Variants in WDTC1 observed in about 807,000 individuals in gnomAD.
WDTC1 encodes WD and tetratricopeptide repeats 1, also known as WD and tetratricopeptide repeats protein 1.
A neutral mutation model predicts 76.0 loss-of-function variants in WDTC1; 12 were observed. That is an observed-to-expected ratio of 0.16 (90% CI 0.10 to 0.26). The LOEUF is 0.26. WDTC1 is among the 10% of genes least tolerant of loss of function. WDTC1 has a pLI of 1.00. For missense variants in WDTC1, 511 were observed against 908.8 expected (o/e 0.56, Z 5.63); for synonymous variants, 326 against 350.8 (o/e 0.93, Z 0.79).
rs988069304 is a variant in WDTC1, at chr1:27,245,639, G to A, written c.-100+10688G>A. ...GGGTGGAGTGCAATGGCGCAATCTC[G>A]GCTCACTGCAACCTCCGCCTCCCGG... On this transcript the variant is annotated intron_variant, in intron 1 of 15. Transcript: ENST00000319394. Among the ~76,000 whole-genome samples, 35 of 150,618 alleles carry A rather than the reference G, an allele frequency of 2.3e-4. 2 individuals are homozygous for A. The highest frequency in any genetic ancestry group is 6.9e-4 in the African/African-American group (28 of 40,502).
intron 9 of WDTC1, 136 bp from the exon 10 acceptor site, chr1:27,296,190 A>T: frequency 1.9e-6 from 2 of 1,050,562 alleles, no homozygotes; most frequent in Non-Finnish European, 2.9e-6. Flanking sequence ...ACCTCTTAGG[A>T]TAGCTTGATT....
Position 27,296,326 on chromosome 1 carries a change from G to A in WDTC1, c.874G>A (p.Val292Ile). 6.2e-7 allele frequency: 1 copy of A among 1,613,930 alleles called. No homozygotes were observed. The highest frequency in any genetic ancestry group is 8.5e-7 in the Non-Finnish European group (1 of 1,179,998). Residue 292 changes from valine to isoleucine, a missense_variant and splice_region_variant, in exon 10 of 16, where the codon GTC becomes ATC. Coordinates refer to ENST00000319394, the MANE Select transcript of WDTC1 (RefSeq NM_001276252.2). ...ELLVNMGGEQ[V>I]YLFDLTYKQR... Reference sequence around the variant, plus strand: ...CTTTTTTTGCCCCCCTCAACTCTAGGTCTATTTGTTTGACTTGACTTACAA... The same window carrying A: ...CTTTTTTTGCCCCCCTCAACTCTAGATCTATTTGTTTGACTTGACTTACAA...
At chr1:27,270,549 C>T (rs1023776141) in intron 3 of WDTC1, among the ~76,000 whole-genome samples, 2 of 152,048 alleles carry the variant, frequency 1.3e-5, no homozygotes, top group African/African-American at 4.8e-5. Context: ...AAAAATTAGC[C>T]AGGGGTGGTG....
At chr1:27,296,278 T>C in intron 9 of WDTC1, 48 bp from the exon 10 acceptor site, 1 of 1,610,978 alleles carries the variant, frequency 6.2e-7, no homozygotes, top group Non-Finnish European at 8.5e-7. Flanking sequence ...TTCAACCACA[T>C]CCTTACCTCA....
At chr1:27,297,025 A>G in intron 10 of WDTC1, 23 bp from the exon 11 acceptor site, 1 of 1,611,674 alleles carries the variant, frequency 6.2e-7, no homozygotes, top group South Asian at 1.1e-5. Flanking sequence ...TGTTGCTGTC[A>G]CTTTCTCACT....
rs1570992644 is a variant in WDTC1, at chr1:27,306,147, C to T, written c.1837-39C>T. On this transcript the variant is annotated intron_variant, in intron 15 of 15. Coordinates refer to ENST00000319394, the MANE Select transcript of WDTC1 (RefSeq NM_001276252.2). This position sits in a 1 kb window ranked among gnomAD's most constrained non-coding sequence, Gnocchi z 5.0. Reference sequence around the variant, plus strand: ...TACGTGTACCCTGGTGCCTCTCCCTCCCTGAGCCCCACGTGTGTCACCCCT... The same window carrying T: ...TACGTGTACCCTGGTGCCTCTCCCTTCCTGAGCCCCACGTGTGTCACCCCT... The T allele has an allele frequency of 1.4e-5, 22 of 1,612,464 alleles. No homozygotes were observed. In the East Asian group the frequency reaches 4.7e-4, roughly 34 times the overall value.
chr1:27,290,840 C>G (rs2013515655), intron 6 of WDTC1, among the ~76,000 whole-genome samples: 2 of 152,206 alleles, frequency 1.3e-5, no homozygotes, highest in Non-Finnish European at 2.9e-5. Context: ...ATAACATAGT[C>G]AAGAGCAAGG....
chr1:27,292,512 C>T lies in WDTC1; in HGVS notation c.662+115C>T, dbSNP rs1439452732. The stretch of plus-strand genomic sequence containing the variant: ...CTTCTATCACAGCTCACTGCAGCCT[C>T]AACCTCCCAGGCTCAAGCGATCCTC... On this transcript the variant is annotated intron_variant, in intron 7 of 15. Coordinates refer to ENST00000319394, the MANE Select transcript of WDTC1 (RefSeq NM_001276252.2). 7 of 1,026,344 alleles carry T rather than the reference C, an allele frequency of 6.8e-6. No individual in the cohort carries two copies. The African/African-American group carries it at 9.9e-5, about 15-fold the overall frequency. 63.6% of individuals were successfully genotyped at this position (1,026,344 alleles called of 1,614,324 possible). A position where few individuals can be genotyped will look rare whatever the true frequency, so the allele number is the denominator to read the frequency against.
At chr1:27,262,616 G>A (rs2012517424) in intron 2 of WDTC1, among the ~76,000 whole-genome samples, 1 of 151,986 alleles carries the variant, frequency 6.6e-6, no homozygotes, top group Non-Finnish European at 1.5e-5. Context: ...TTGAACTCCT[G>A]ACCTCAGGTT....
At chr1:27,287,499 G>A (rs371821883) in intron 5 of WDTC1, among the ~76,000 whole-genome samples, 175 bp from the exon 6 acceptor site, 1 of 152,086 alleles carries the variant, frequency 6.6e-6, no homozygotes, top group Admixed American at 6.5e-5. Flanking sequence ...GGATTTTCCT[G>A]CCTCAGCCTG....
chr1:27,294,647 T>C lies in WDTC1; in HGVS notation c.873+18T>C, dbSNP rs938268988. On this transcript the variant is annotated intron_variant, in intron 9 of 15. Coordinates refer to ENST00000319394, the MANE Select transcript of WDTC1 (RefSeq NM_001276252.2). ...GGGAACAGGTATGTACAGCATAAGG[T>C]GGTTCTGCCCCATCACCATTCCATG... The C allele has an allele frequency of 1.2e-6, 2 of 1,610,128 alleles. No homozygotes were observed. Among genetic ancestry groups the C allele is most frequent in the African/African-American group, 2.7e-5 (2 of 74,774 alleles).
intron 10 of WDTC1, among the ~76,000 whole-genome samples, 171 bp downstream of exon 10, chr1:27,296,572 A>T (rs752473600): frequency 1.6e-4 from 24 of 152,150 alleles, no homozygotes; most frequent in Non-Finnish European, 2.9e-4. Flanking sequence ...TAGAGCAGAG[A>T]TCTCTTCAAG....
chr1:27,270,792 C>G (rs932059075), intron 3 of WDTC1, among the ~76,000 whole-genome samples: 2 of 152,172 alleles, frequency 1.3e-5, no homozygotes, highest in Admixed American at 1.3e-4. Flanking sequence ...CAGATGTTGC[C>G]AAATTCTTCA....
chr1:27,247,107 A>T (rs1371725235), intron 1 of WDTC1, among the ~76,000 whole-genome samples: 3 of 151,634 alleles, frequency 2.0e-5, no homozygotes, highest in Non-Finnish European at 4.4e-5. Flanking sequence ...CCCAGGCTGG[A>T]GCAGAGTGGC....
At chr1:27,283,006 C>T (rs950277526) in intron 4 of WDTC1, among the ~76,000 whole-genome samples, 12 of 151,564 alleles carry the variant, frequency 7.9e-5, no homozygotes, top group African/African-American at 2.2e-4. Flanking sequence ...GGTGTGGTGG[C>T]GGGCGCCTGT....
chr1:27,285,515 GAT>G (rs2013306028), intron 5 of WDTC1, among the ~76,000 whole-genome samples: 1 of 152,056 alleles, frequency 6.6e-6, no homozygotes, highest in Admixed American at 6.6e-5. Flanking sequence ...TTAAAAAAAA[GAT>G]ATTTCAATTT....
intron 1 of WDTC1, among the ~76,000 whole-genome samples, chr1:27,258,423 T>C (rs1487198922): frequency 6.7e-6 from 1 of 150,342 alleles, no homozygotes; most frequent in African/African-American, 2.4e-5. Context: ...TCCCAGCTAC[T>C]TGGGAGGCTG....
intron 1 of WDTC1, among the ~76,000 whole-genome samples, chr1:27,241,577 C>T (rs1485578210): frequency 1.3e-5 from 2 of 152,088 alleles, no homozygotes; most frequent in African/African-American, 2.4e-5. Flanking sequence ...GTTTAGTTTT[C>T]CTTGACCTTG....
chr1:27,286,754 G>T (rs554553179), intron 5 of WDTC1, among the ~76,000 whole-genome samples: 2 of 151,804 alleles, frequency 1.3e-5, no homozygotes, highest in African/African-American at 4.8e-5. Context: ...GAGCCACCAC[G>T]CCTGGCCTGG....
Sources: gnomAD v4.1 joint callset for allele counts (sites outside exome capture counted in the v4.1 genomes callset) on GRCh38, gnomAD v4.1.1 for gene constraint, Gnocchi (gnomAD v3.1) non-coding constraint, MANE v1.5 for transcripts, NCBI Gene and HGNC (gene_info 2026-07-23, HGNC 2026-07-21) for gene names.